SWAP70: variants seen among roughly 807,000 people sequenced by gnomAD.
The protein encoded by SWAP70 is switching B cell complex subunit SWAP70.
SWAP70 carries 34 observed loss-of-function variants against 80.2 expected under a neutral mutation model. That is an observed-to-expected ratio of 0.42 (90% confidence interval 0.32 to 0.56). The LOEUF is 0.56. SWAP70 is among the 20% of genes least tolerant of loss of function. SWAP70 has a pLI of 0.09. For synonymous variants in SWAP70, 239 were observed against 238.5 expected, an observed-to-expected ratio of 1.00 and a Z score of -0.02; for missense variants, 578 against 690.7, an observed-to-expected ratio of 0.84 and a Z score of 1.83.
rs1000331441 is a variant in SWAP70 at position 9,719,477 on chromosome 11, G to C, written c.415-5181G>C. 9.2e-5 allele frequency among the ~76,000 whole-genome samples: 14 copies of C among 152,240 alleles called. No individual in the cohort carries two copies. In the South Asian group the frequency reaches 1.2e-3, roughly 14 times the overall value. On this transcript the variant is annotated intron_variant, in intron 3 of 11. Transcript: ENST00000318950. The stretch of plus-strand genomic sequence containing the variant: ...GCAAGAGAATCGCTTGAACCCAGGA[G>C]GTGGAGGTTGCAGTGAGCCGAGATC...
At chr11:9,704,418 A>G (rs1237684875) in intron 2 of SWAP70, among the ~76,000 whole-genome samples, 7 of 148,836 alleles carry the variant, frequency 4.7e-5, no homozygotes, top group Non-Finnish European at 1.0e-4. Flanking sequence ...CTTTTTTGAG[A>G]CACTCTTTCT....
chr11:9,683,570 GAAGCCAATGTT>G (rs1284957026), intron 1 of SWAP70, among the ~76,000 whole-genome samples: 2 of 152,202 alleles, frequency 1.3e-5, no homozygotes. Context: ...GGTTCTCCAG[GAAGCCAATGTT>G]AAGACACTGT....
At chr11:9,702,506 G>T (rs1850846366) in intron 2 of SWAP70, among the ~76,000 whole-genome samples, 1 of 151,990 alleles carries the variant, frequency 6.6e-6, no homozygotes, top group Admixed American at 6.6e-5. Flanking sequence ...TGCCCTGCTG[G>T]TCTCAAGAGA....
intron 1 of SWAP70, among the ~76,000 whole-genome samples, chr11:9,675,553 CTG>C (rs779105201): frequency 1.6e-4 from 24 of 151,642 alleles, no homozygotes; most frequent in Non-Finnish European, 2.8e-4. Flanking sequence ...GTTAAAACAA[CTG>C]TTTTATATTT....
chr11:9,749,407 C>T (rs374337840), intron 11 of SWAP70, among the ~76,000 whole-genome samples: 4 of 152,124 alleles, frequency 2.6e-5, no homozygotes, highest in South Asian at 2.1e-4. Flanking sequence ...CCACCACGAC[C>T]GGCTAATTTT....
Position 9,708,178 on chromosome 11 carries a change from A to G in SWAP70, c.241-5288A>G, listed in dbSNP as rs962211539. Among the ~76,000 whole-genome samples the G allele has an allele frequency of 1.8e-4, 28 of 152,196 alleles. 1 individual carries two copies. Among genetic ancestry groups the G allele is most frequent in the Non-Finnish European group, 5.9e-5 (4 of 68,040 alleles). ...TATCCAGACGTGGGATTGCTAGATC[A>G]TATGGTAGTTCTATTTTTAACTTTT... On this transcript the variant is annotated intron_variant, in intron 2 of 11. Coordinates refer to ENST00000318950, the MANE Select transcript of SWAP70 (RefSeq NM_015055.4).
Position 9,664,166 on chromosome 11 carries a change from GC to G in SWAP70, c.-13del, listed in dbSNP as rs1255635601. ...CTGGGCAGGAGGGGTTGGCGGGGCA[GC>G]AGGGCCGCGGCCATGGGGAGCTTGA... On this transcript the variant is annotated 5_prime_UTR_variant, in exon 1 of 12. Coordinates refer to ENST00000318950, the MANE Select transcript of SWAP70 (RefSeq NM_015055.4). The G allele has an allele frequency of 2.0e-5, 31 of 1,559,664 alleles. No homozygotes were observed. Among genetic ancestry groups the G allele is most frequent in the Non-Finnish European group, 2.5e-5 (29 of 1,155,118 alleles).
chr11:9,681,910 A>G (rs1324830041), intron 1 of SWAP70, among the ~76,000 whole-genome samples: 1 of 152,180 alleles, frequency 6.6e-6, no homozygotes, highest in Non-Finnish European at 1.5e-5. Context: ...AGGAACATGA[A>G]AAGTGTTGAG....
intron 2 of SWAP70, among the ~76,000 whole-genome samples, chr11:9,706,982 T>C (rs1357010266): frequency 6.6e-6 from 1 of 152,178 alleles, no homozygotes; most frequent in East Asian, 1.9e-4. Context: ...CATATATTTC[T>C]TTATTCTTAT....
chr11:9,666,147 G>A (rs1850304570), intron 1 of SWAP70, among the ~76,000 whole-genome samples: 2 of 150,614 alleles, frequency 1.3e-5, no homozygotes, highest in South Asian at 4.2e-4. Context: ...GTGCGGTGGT[G>A]TGATCTCGGC....
At chr11:9,681,523 G>C (rs1022303461) in intron 1 of SWAP70, among the ~76,000 whole-genome samples, 6 of 152,178 alleles carry the variant, frequency 3.9e-5, no homozygotes, top group Admixed American at 1.3e-4. Flanking sequence ...TTATTCTGAT[G>C]ATGTAGGTTT....
At chr11:9,723,478 G>T (rs994699111) in intron 3 of SWAP70, among the ~76,000 whole-genome samples, 2 of 152,058 alleles carry the variant, frequency 1.3e-5, no homozygotes, top group Admixed American at 6.6e-5. Context: ...ACTTATTAGG[G>T]AGCTCATTTA....
intron 9 of SWAP70, among the ~76,000 whole-genome samples, chr11:9,743,056 C>G (rs1293914011): frequency 1.6e-4 from 20 of 126,290 alleles, no homozygotes; most frequent in African/African-American, 2.8e-4. Context: ...CCCCTCCCCC[C>G]ACCCCACAAC....
At chr11:9,671,489 AAT>A (rs1192836921) in intron 1 of SWAP70, among the ~76,000 whole-genome samples, 25 of 85,978 alleles carry the variant, frequency 2.9e-4, no homozygotes, top group African/African-American at 5.2e-4. Context: ...TATATTTATA[AAT>A]ATATATATAA....
chr11:9,724,742 G>A lies in SWAP70; in HGVS notation c.499G>A (p.Asp167Asn). ...ATTTGAACATTATAAAATCAACTTT[G>A]ATGACAGTAAAAATGGCCTTTCTGC... ...EQFEHYKINF[D>N]DSKNGLSAWE... Residue 167 changes from aspartate (D) to asparagine (N), a missense_variant, in exon 4 of 12, where the codon GAT becomes AAT. Asp to Asn is a conservative substitution (Grantham distance 23, BLOSUM62 1). Coordinates refer to ENST00000318950, the MANE Select transcript of SWAP70 (RefSeq NM_015055.4). The A allele has an allele frequency of 6.2e-7, 1 of 1,614,150 alleles. No individual in the cohort carries two copies. The highest frequency in any genetic ancestry group is 1.3e-5 in the African/African-American group (1 of 75,056).
intron 1 of SWAP70, among the ~76,000 whole-genome samples, chr11:9,669,383 C>G (rs1458100356): frequency 6.6e-6 from 1 of 152,156 alleles, no homozygotes; most frequent in Non-Finnish European, 1.5e-5. Context: ...ATGTGCACCA[C>G]CATGTCTCGC....
chr11:9,670,870 C>A (rs1286437548), intron 1 of SWAP70, among the ~76,000 whole-genome samples: 2 of 151,606 alleles, frequency 1.3e-5, no homozygotes, highest in African/African-American at 4.8e-5. Context: ...TCTCCTGCCT[C>A]AGCCTCCCGA....
intron 2 of SWAP70, 59 bp from the exon 3 acceptor site, chr11:9,713,407 G>A: frequency 6.6e-7 from 1 of 1,504,618 alleles, no homozygotes; most frequent in African/African-American, 1.4e-5. Context: ...TATTTTACTT[G>A]CCTTAGATAC....
intron 7 of SWAP70, among the ~76,000 whole-genome samples, chr11:9,735,154 A>AT (rs1486257188): frequency 6.6e-6 from 1 of 152,114 alleles, no homozygotes; most frequent in Non-Finnish European, 1.5e-5. Context: ...GCTGTGAAAG[A>AT]TTTTCTCCCC....
Sources: allele counts gnomAD v4.1 joint callset (sites outside exome capture counted in the v4.1 genomes callset), GRCh38; gene constraint gnomAD v4.1.1; transcripts MANE v1.5; gene names NCBI Gene and HGNC (gene_info 2026-07-23, HGNC 2026-07-21).